EIF3M: variants seen among roughly 807,000 people sequenced by gnomAD.
EIF3M encodes the protein eukaryotic translation initiation factor 3 subunit M.
Under a neutral mutation model 49.7 loss-of-function variants are expected in EIF3M, and 25 were observed. The observed-to-expected ratio is 0.50, with a 90% CI of 0.37 to 0.70. The LOEUF (loss-of-function observed/expected upper bound fraction) is 0.70, where lower values mean the gene tolerates loss of function less well. Among genes scored for constraint, EIF3M ranks in the 30% least tolerant of loss-of-function variants. EIF3M has a pLI of 0.00. For synonymous variants in EIF3M, 156 were observed against 149.8 expected (o/e 1.04, Z -0.30); for missense variants, 350 against 440.0 (o/e 0.80, Z 1.83).
Position 32,594,912 on chromosome 11 carries a change from A to C in EIF3M, c.618-2A>C. On this transcript the variant is annotated splice_acceptor_variant, in intron 6 of 10. Transcript: ENST00000531120. LOFTEE classifies it high-confidence loss of function. ...AGCTTACATTTTTGTTCTCTAATTA[A>C]GGTGTATTGTACGAGCATTGAAAGA... 6.2e-7 allele frequency: 1 copy of C among 1,607,686 alleles called. No homozygotes were observed. The highest frequency in any genetic ancestry group is 8.5e-7 in the Non-Finnish European group (1 of 1,177,562).
chr11:32,584,558 A>G (rs990258588), intron 1 of EIF3M, among the ~76,000 whole-genome samples: 2 of 135,878 alleles, frequency 1.5e-5, no homozygotes, highest in Admixed American at 8.0e-5. Context: ...CAGTGAGCCA[A>G]GATCGCGCCA....
At position 32,589,468 on chromosome 11, in the gene EIF3M, C is replaced by T. The variant is rs560620221; in HGVS notation, c.439-79C>T. On this transcript the variant is annotated intron_variant, in intron 4 of 10. Transcript: ENST00000531120. Reference sequence around the variant, plus strand: ...TGGGGATTATAGGCGTGAGCCACCACGCCCAGCCAGAAATGTACTTTTATA... The same window carrying T: ...TGGGGATTATAGGCGTGAGCCACCATGCCCAGCCAGAAATGTACTTTTATA... 482 of 1,412,612 alleles carry T rather than the reference C, an allele frequency of 3.4e-4. 1 individual carries two copies. The African/African-American group carries it at 5.6e-3, about 16-fold the overall frequency. The allele number at this position is 1,412,612 out of a possible 1,614,324, so 87.5% of individuals were successfully genotyped here. A position where few individuals can be genotyped will look rare whatever the true frequency, so the allele number is the denominator to read the frequency against.
chr11:32,586,262 A>AG (rs1462103962), intron 1 of EIF3M, among the ~76,000 whole-genome samples: 2 of 151,786 alleles, frequency 1.3e-5, no homozygotes, highest in Non-Finnish European at 2.9e-5. Context: ...ACAAAAAAAA[A>AG]CTGCGTTTGT....
chr11:32,590,976 G>A (rs1049125261), intron 5 of EIF3M, among the ~76,000 whole-genome samples: 2 of 151,930 alleles, frequency 1.3e-5, no homozygotes, highest in Non-Finnish European at 2.9e-5. Flanking sequence ...TCAGCCTCCT[G>A]AGCAGCTGGG....
chr11:32,593,733 C>A, intron 5 of EIF3M, 133 bp from the exon 6 acceptor site: 1 of 496,028 alleles, frequency 2.0e-6, no homozygotes, highest in Non-Finnish European at 3.3e-6. Context: ...TATGACTTTT[C>A]CCATAGACAG....
intron 7 of EIF3M, 96 bp from the exon 8 acceptor site, chr11:32,595,870 A>G: frequency 2.2e-6 from 2 of 889,100 alleles, no homozygotes; most frequent in Non-Finnish European, 1.7e-6. Flanking sequence ...TGTAGGAGTC[A>G]GTATCTTTAA....
At chr11:32,589,978 G>C (rs568533625) in intron 5 of EIF3M, among the ~76,000 whole-genome samples, 22 of 152,222 alleles carry the variant, frequency 1.4e-4, no homozygotes, top group African/African-American at 5.1e-4. Flanking sequence ...TGCAGTGGCA[G>C]ACTACAAAAA....
At chr11:32,600,321 T>G (rs1855240876) in intron 8 of EIF3M, among the ~76,000 whole-genome samples, 1 of 151,862 alleles carries the variant, frequency 6.6e-6, no homozygotes, top group African/African-American at 2.4e-5. Context: ...GCTTAGGTAA[T>G]TTAACTAAAT....
chr11:32,596,542 A>G (rs1164415769), intron 8 of EIF3M, among the ~76,000 whole-genome samples: 2 of 149,998 alleles, frequency 1.3e-5, no homozygotes, highest in African/African-American at 4.9e-5. Flanking sequence ...CGGAGGTTGC[A>G]GTGAGCCAAG....
chr11:32,597,372 C>G (rs1855196870), intron 8 of EIF3M, among the ~76,000 whole-genome samples: 1 of 151,916 alleles, frequency 6.6e-6, no homozygotes, highest in Non-Finnish European at 1.5e-5. Flanking sequence ...TTGGATACCC[C>G]CGCCATTAAC....
At chr11:32,591,805 A>G (rs1442274513) in intron 5 of EIF3M, 6 of 222,060 alleles carry the variant, frequency 2.7e-5, no homozygotes, top group Admixed American at 2.1e-4. Context: ...TTGTGCTACC[A>G]TATTTACCAC....
At chr11:32,600,137 A>C (rs1226143096) in intron 8 of EIF3M, among the ~76,000 whole-genome samples, 2 of 151,908 alleles carry the variant, frequency 1.3e-5, no homozygotes, top group African/African-American at 4.8e-5. Context: ...GTTTGTAAGT[A>C]GTTTTGATTT....
chr11:32,605,708 A>C lies in EIF3M; in HGVS notation c.*3309A>C, dbSNP rs1350134795. 1.3e-5 allele frequency: 2 copies of C among 152,226 alleles called. No homozygotes were observed. Among genetic ancestry groups the C allele is most frequent in the Non-Finnish European group, 2.9e-5 (2 of 68,028 alleles). The allele number at this position is 152,226 out of a possible 1,614,324, so 9.4% of individuals were successfully genotyped here. On this transcript the variant is annotated 3_prime_UTR_variant, in exon 11 of 11. Transcript: ENST00000531120. The stretch of plus-strand genomic sequence containing the variant: ...AGGAGCAGGGATTGGCTTTAGAGAA[A>C]CAAGATACAGTGTAGATTAGCTAAT...
At position 32,603,535 on chromosome 11, in the gene EIF3M, T is replaced by C. The variant is rs1480043465; in HGVS notation, c.*1136T>C. 6.6e-6 allele frequency: 1 copy of C among 152,366 alleles called. No individual in the cohort carries two copies. The highest frequency in any genetic ancestry group is 1.5e-5 in the Non-Finnish European group (1 of 68,146). The allele number at this position is 152,366 out of a possible 1,614,324, so 9.4% of individuals were successfully genotyped here. On this transcript the variant is annotated 3_prime_UTR_variant, in exon 11 of 11. Coordinates refer to ENST00000531120, the MANE Select transcript of EIF3M (RefSeq NM_006360.6). Reference sequence around the variant, plus strand: ...TGGTATTATTTGCTGCTAGCGTTTTTTTCTATTTTTAGCCTATTTGATCAT... The same window carrying C: ...TGGTATTATTTGCTGCTAGCGTTTTCTTCTATTTTTAGCCTATTTGATCAT...
intron 9 of EIF3M, 196 bp downstream of exon 9, chr11:32,601,028 C>A: frequency 1.9e-6 from 1 of 523,730 alleles, no homozygotes; most frequent in East Asian, 4.0e-5. Flanking sequence ...TATTCTATCC[C>A]TTGAAATCAC....
At chr11:32,591,386 TTTTTAA>T (rs1305868252) in intron 5 of EIF3M, among the ~76,000 whole-genome samples, 1 of 152,248 alleles carries the variant, frequency 6.6e-6, no homozygotes, top group Non-Finnish European at 1.5e-5. Flanking sequence ...GTCATTATAC[TTTTTAA>T]TTTTAATTTT....
At chr11:32,600,601 A>C (rs1855245376) in intron 8 of EIF3M, 88 bp from the exon 9 acceptor site, 12 of 1,363,260 alleles carry the variant, frequency 8.8e-6, no homozygotes, top group South Asian at 2.0e-5. Context: ...AAAAGTAAAA[A>C]TAATTTCCAC....
At chr11:32,586,980 A>G in intron 1 of EIF3M, 32 bp from the exon 2 acceptor site, 1 of 1,543,550 alleles carries the variant, frequency 6.5e-7, no homozygotes, top group Non-Finnish European at 8.8e-7. Flanking sequence ...TGTCATTCGT[A>G]GTCAGTTTTA....
chr11:32,603,113 A>G lies in EIF3M; in HGVS notation c.*714A>G. On this transcript the variant is annotated 3_prime_UTR_variant, in exon 11 of 11. Transcript: ENST00000531120. ...CTCTGCAGTTATGAGTATGTGGTAA[A>G]ACCACCATCTCTTGGCTGATTTCCA... 1.0e-6 allele frequency: 1 copy of G among 989,450 alleles called. No homozygotes were observed. The highest frequency in any genetic ancestry group is 2.4e-5 in the East Asian group (1 of 40,842). 61.3% of individuals were successfully genotyped at this position (989,450 alleles called of 1,614,324 possible).
Sources: gnomAD v4.1 joint callset for allele counts (sites outside exome capture counted in the v4.1 genomes callset) on GRCh38, gnomAD v4.1.1 for gene constraint, MANE v1.5 for transcripts, NCBI Gene and HGNC (gene_info 2026-07-23, HGNC 2026-07-21) for gene names.